The following UHRF1 variants were observed in gnomAD, a reference collection of about 807,000 sequenced individuals.
The protein encoded by UHRF1 is ubiquitin like with PHD and ring finger domains 1.
In UHRF1, 9 loss-of-function variants were observed where a neutral mutation model predicts 96.5. The observed-to-expected ratio is 0.09, with a 90% confidence interval of 0.06 to 0.16. The LOEUF is 0.16. UHRF1 is among the 10% of genes least tolerant of loss of function. UHRF1 has a pLI of 1.00. For synonymous variants in UHRF1, 455 were observed against 469.9 expected (o/e 0.97, Z 0.41); for missense variants, 626 against 1,131.1 (o/e 0.55, Z 6.40).
chr19:4,922,950 G>A (rs897675615), intron 2 of UHRF1, among the ~76,000 whole-genome samples: 2 of 152,214 alleles, frequency 1.3e-5, no homozygotes, highest in African/African-American at 2.4e-5. Flanking sequence ...GGGGCGACCC[G>A]TCAGGCCCAG....
At chr19:4,951,202 G>T (rs1375037801) in intron 13 of UHRF1, among the ~76,000 whole-genome samples, 3 of 152,180 alleles carry the variant, frequency 2.0e-5, no homozygotes, top group Non-Finnish European at 2.9e-5. Context: ...GAAGGTGGAG[G>T]TTATAATGAG....
rs912593612 is a variant in UHRF1, at chr19:4,930,234, C to G, written c.409-482C>G. 2.0e-5 allele frequency among the ~76,000 whole-genome samples: 3 copies of G among 152,184 alleles called. No homozygotes were observed. The highest frequency in any genetic ancestry group is 4.4e-5 in the Non-Finnish European group (3 of 68,030). On this transcript the variant is annotated intron_variant, in intron 3 of 16. Coordinates refer to ENST00000650932, the MANE Select transcript of UHRF1 (RefSeq NM_001048201.3). This position sits in a 1 kb window ranked among gnomAD's most constrained non-coding sequence, Gnocchi z 4.4. Reference sequence around the variant, plus strand: ...AAGTGATCTTCCCGCCGCAGCCTCCCAAAGTGCTGGAATTATAGGTGTGAG... The same window carrying G: ...AAGTGATCTTCCCGCCGCAGCCTCCGAAAGTGCTGGAATTATAGGTGTGAG...
In UHRF1 at chr19:4,932,923, C is replaced by T. The variant is rs377548045; in HGVS notation, c.752C>T (p.Thr251Met). 58 of 1,613,380 alleles carry T rather than the reference C, an allele frequency of 3.6e-5. No homozygotes were observed. Among genetic ancestry groups the T allele is most frequent in the Admixed American group, 2.3e-4 (14 of 59,960 alleles). ...AEISRKRETR[T>M]ARELYANVVL... is the part of the protein sequence containing the mutation. Reference sequence around the variant, plus strand: ...ATCTCCAGGAAGCGCGAGACCAGGACGGCGCGGGAACTCTACGCCAACGTG... The same window carrying T: ...ATCTCCAGGAAGCGCGAGACCAGGATGGCGCGGGAACTCTACGCCAACGTG... The change falls in exon 5 of 17, where the codon ACG becomes ATG. Residue 251 changes from threonine (T) to methionine (M), a missense_variant. Around this residue, in one of 11 missense-constraint regions of UHRF1, gnomAD observed 198 missense variants for 235.1 expected, o/e 0.84. Coordinates refer to ENST00000650932, the MANE Select transcript of UHRF1 (RefSeq NM_001048201.3).
chr19:4,916,279 C>T (rs904345600), intron 2 of UHRF1, among the ~76,000 whole-genome samples: 2 of 151,002 alleles, frequency 1.3e-5, no homozygotes, highest in African/African-American at 4.9e-5. Context: ...GCATTCCAGC[C>T]TGGGAGACAG....
At chr19:4,933,044 G>T in intron 5 of UHRF1, 88 bp downstream of exon 5, 1 of 1,418,662 alleles carries the variant, frequency 7.0e-7, no homozygotes, top group Non-Finnish European at 9.5e-7. Context: ...CGTCCAGCCA[G>T]CGCTGTGTGT....
chr19:4,907,151 C>T (rs902945352), upstream of UHRF1, among the ~76,000 whole-genome samples: 2 of 152,198 alleles, frequency 1.3e-5, no homozygotes, highest in African/African-American at 4.8e-5. Context: ...GCTCTGTCAC[C>T]CAGGTGGGAG....
intron 7 of UHRF1, among the ~76,000 whole-genome samples, chr19:4,942,370 T>G (rs891997328): frequency 1.1e-4 from 16 of 151,482 alleles, no homozygotes; most frequent in Non-Finnish European, 1.3e-4. Flanking sequence ...TTTTGTATTT[T>G]TAGTAGAGAT....
Position 4,930,826 on chromosome 19 carries a change from G to T in UHRF1, c.519G>T (p.Thr173=). Residue 173 remains threonine (T), a synonymous_variant, in exon 4 of 17, where the codon ACG becomes ACT. Coordinates refer to ENST00000650932, the MANE Select transcript of UHRF1 (RefSeq NM_001048201.3). This position sits in a 1 kb window ranked among gnomAD's most constrained non-coding sequence, Gnocchi z 4.4. ...CCCGGGACGAGCCCTGCAGCTCCAC[G>T]TCCAGGCCGGCGCTGGAGGAGGACG... ...APSRDEPCSS[T]SRPALEEDVI... 6.2e-7 allele frequency: 1 copy of T among 1,613,948 alleles called. No homozygotes were observed. The highest frequency in any genetic ancestry group is 2.2e-5 in the East Asian group (1 of 44,890).
At chr19:4,924,984 G>A (rs1251222284) in intron 2 of UHRF1, among the ~76,000 whole-genome samples, 9 of 151,806 alleles carry the variant, frequency 5.9e-5, no homozygotes, top group African/African-American at 1.9e-4. Context: ...GTGCCACCAC[G>A]CCTGGCTAAT....
chr19:4,953,242 G>A (rs893447133), intron 13 of UHRF1, among the ~76,000 whole-genome samples: 2 of 152,078 alleles, frequency 1.3e-5, no homozygotes, highest in South Asian at 2.1e-4. Flanking sequence ...ATGCACAGGC[G>A]TCCCCCCCTT....
chr19:4,911,544 A>C (rs1302513808), intron 2 of UHRF1, among the ~76,000 whole-genome samples: 1 of 152,150 alleles, frequency 6.6e-6, no homozygotes, highest in African/African-American at 2.4e-5. Flanking sequence ...GCGCTTGCTA[A>C]TCAGGAATTT....
At chr19:4,933,035 G>C in intron 5 of UHRF1, 79 bp downstream of exon 5, 1 of 1,450,782 alleles carries the variant, frequency 6.9e-7, no homozygotes, top group Non-Finnish European at 9.3e-7. Flanking sequence ...CTTTGAAGCC[G>C]TCCAGCCAGC....
chr19:4,934,531 C>T (rs1461088585), intron 5 of UHRF1, among the ~76,000 whole-genome samples: 1 of 152,140 alleles, frequency 6.6e-6, no homozygotes, highest in Non-Finnish European at 1.5e-5. Flanking sequence ...CGGGGGACCT[C>T]CTAGGAATGG....
chr19:4,919,838 A>G (rs979836828), intron 2 of UHRF1, among the ~76,000 whole-genome samples: 1 of 150,250 alleles, frequency 6.7e-6, no homozygotes, highest in Non-Finnish European at 1.5e-5. Context: ...TTTTTTTGAG[A>G]CAGAGTTTTG....
chr19:4,913,191 A>G (rs769292648), intron 2 of UHRF1, among the ~76,000 whole-genome samples: 3 of 150,284 alleles, frequency 2.0e-5, no homozygotes, highest in Non-Finnish European at 4.4e-5. Context: ...TGTCTGTCAC[A>G]TTTCTAAGTT....
At chr19:4,928,665 T>C in intron 2 of UHRF1, among the ~76,000 whole-genome samples, 1 of 152,152 alleles carries the variant, frequency 6.6e-6, no homozygotes, top group East Asian at 1.9e-4. Flanking sequence ...CTCTTGCTGT[T>C]CAGGTGGGAC....
intron 1 of UHRF1, chr19:4,909,857 C>G (rs905147505): frequency 2.9e-5 from 11 of 384,008 alleles, no homozygotes; most frequent in African/African-American, 1.9e-4. Flanking sequence ...AGCGCTGCGT[C>G]CCCGGAGCCC....
At chr19:4,921,168 G>A (rs1326352820) in intron 2 of UHRF1, among the ~76,000 whole-genome samples, 6 of 151,206 alleles carry the variant, frequency 4.0e-5, no homozygotes, top group African/African-American at 1.5e-4. Context: ...TGCCGGGCAC[G>A]GTGGCTCAGC....
In UHRF1 at chr19:4,938,519, GT is replaced by G. The variant is rs200444522; in HGVS notation, c.786-3000del. 3.6e-3 allele frequency among the ~76,000 whole-genome samples: 537 copies of G among 150,770 alleles called. 15 individuals are homozygous for G. The highest frequency in any genetic ancestry group is 0.03 in the Admixed American group (454 of 15,082). ...TTATTTGTACAGCAAGAATAAGACAGTTTTTTTTTGTTTGTTTGTTTGTTTT... is the reference window on the plus strand; with the variant it reads ...TTATTTGTACAGCAAGAATAAGACAGTTTTTTTTGTTTGTTTGTTTGTTTT... On this transcript the variant is annotated intron_variant, in intron 5 of 16. Transcript: ENST00000650932.
Sources: allele counts gnomAD v4.1 joint callset (sites outside exome capture counted in the v4.1 genomes callset), GRCh38; gene constraint gnomAD v4.1.1; regional missense constraint gnomAD v4.1.1; non-coding constraint Gnocchi (gnomAD v3.1); transcripts MANE v1.5; gene names NCBI Gene and HGNC (gene_info 2026-07-23, HGNC 2026-07-21).